The following EIPR1 variants were observed in gnomAD, a reference collection of about 807,000 sequenced individuals.
EIPR1 encodes EARP complex and GARP complex interacting protein 1.
In EIPR1, 25 loss-of-function variants were observed where a neutral mutation model predicts 48.1. The observed-to-expected ratio is 0.52, with a 90% CI of 0.38 to 0.73. EIPR1 has a LOEUF of 0.73. Among genes scored for constraint, EIPR1 ranks in the 30% least tolerant of loss-of-function variants. EIPR1 has a pLI of 0.00. For missense variants in EIPR1, 415 were observed against 506.2 expected (o/e 0.82, Z 1.73); for synonymous variants, 204 against 201.9 (o/e 1.01, Z -0.09).
intron 3 of EIPR1, among the ~76,000 whole-genome samples, chr2:3,289,566 C>T (rs760363357): frequency 5.9e-5 from 9 of 152,100 alleles, no homozygotes; most frequent in Non-Finnish European, 8.8e-5. Flanking sequence ...AGCTTGTAAA[C>T]GAGGCATGCC....
chr2:3,257,361 G>A lies in EIPR1; in HGVS notation c.354C>T (p.Ser118=), dbSNP rs770444195. Residue 118 remains serine (S), a synonymous_variant, in exon 4 of 9, where the codon AGC becomes AGT. Transcript: ENST00000382125. The part of the protein sequence containing the change: ...GSHESPDDSS[S]TAQTLELLCH... ...AGAGCAGCTCCAGGGTCTGTGCAGT[G>A]CTGGATGAATCATCAGGGGACTCGT... The A allele has an allele frequency of 6.2e-7, 1 of 1,614,150 alleles. No homozygotes were observed. Among genetic ancestry groups the A allele is most frequent in the Non-Finnish European group, 8.5e-7 (1 of 1,180,022 alleles).
At chr2:3,356,932 G>A (rs1670743745) in intron 1 of EIPR1, among the ~76,000 whole-genome samples, 1 of 152,198 alleles carries the variant, frequency 6.6e-6, no homozygotes. Flanking sequence ...CACCTTTTCT[G>A]CATGGCAGTA....
intron 3 of EIPR1, among the ~76,000 whole-genome samples, chr2:3,326,405 C>T (rs1669700785): frequency 6.6e-6 from 1 of 152,158 alleles, no homozygotes; most frequent in Admixed American, 6.5e-5. Flanking sequence ...TCTCCACTGC[C>T]CGATACCCCT....
intron 3 of EIPR1, among the ~76,000 whole-genome samples, chr2:3,315,187 A>C (rs1364921670): frequency 2.6e-3 from 2 of 776 alleles, no homozygotes; most frequent in African/African-American, 4.7e-3. Flanking sequence ...TACCACCACC[A>C]TCACCACCAT....
rs139648061 is a variant in EIPR1, at chr2:3,250,787, A to G, written c.416+6512T>C. Among the ~76,000 whole-genome samples the G allele has an allele frequency of 2.8e-3, 420 of 152,270 alleles. 2 individuals carry two copies. The highest frequency in any genetic ancestry group is 0.014 in the Middle Eastern group (4 of 294). ...TAGTTCCCACAAGATTCGCTTGTTT[A>G]AAAGAGTCTGGCAGCTGCTTCTTTC... On this transcript the variant is annotated intron_variant, in intron 4 of 8. Transcript: ENST00000382125.
Position 3,312,165 on chromosome 2 carries a change from C to T in EIPR1, c.259+25852G>A, listed in dbSNP as rs1669149809. The stretch of plus-strand genomic sequence containing the variant: ...TCCCAAATTTCCTCAAGTTGCCCCC[C>T]GAATCTGTCCATCACTCTGCACATG... On this transcript the variant is annotated intron_variant, in intron 3 of 8. Coordinates refer to ENST00000382125, the MANE Select transcript of EIPR1 (RefSeq NM_003310.5). The surrounding 1 kb of genome is among the most constrained non-coding windows in gnomAD (Gnocchi z 5.5). 1.3e-5 allele frequency among the ~76,000 whole-genome samples: 2 copies of T among 152,276 alleles called. No homozygotes were observed. Among genetic ancestry groups the T allele is most frequent in the Admixed American group, 6.5e-5 (1 of 15,296 alleles).
intron 4 of EIPR1, among the ~76,000 whole-genome samples, chr2:3,237,075 C>T (rs188022672): frequency 5.3e-5 from 8 of 152,238 alleles, no homozygotes; most frequent in Admixed American, 3.9e-4. Flanking sequence ...CAAAGACGCA[C>T]CCAGGGAGGG....
intron 4 of EIPR1, among the ~76,000 whole-genome samples, chr2:3,230,381 GAC>G: frequency 6.6e-6 from 1 of 152,294 alleles, no homozygotes; most frequent in South Asian, 2.1e-4. Flanking sequence ...GTGCAGAAAA[GAC>G]ACGCTGCAGC....
chr2:3,257,844 T>G (rs1667210029), intron 3 of EIPR1, among the ~76,000 whole-genome samples: 1 of 152,234 alleles, frequency 6.6e-6, no homozygotes, highest in South Asian at 2.1e-4. Flanking sequence ...TAAACGGGTT[T>G]TCTCTCCATA....
chr2:3,291,597 T>C (rs894907122), intron 3 of EIPR1, among the ~76,000 whole-genome samples: 22 of 152,214 alleles, frequency 1.4e-4, no homozygotes, highest in African/African-American at 5.3e-4. Context: ...TTAAATTCAA[T>C]CTGCATCCAT....
chr2:3,227,167 G>A (rs915524352), intron 4 of EIPR1, among the ~76,000 whole-genome samples: 1 of 138,660 alleles, frequency 7.2e-6, no homozygotes, highest in Admixed American at 7.3e-5. Flanking sequence ...CAGAAGACAG[G>A]AAAATGTGGA....
At chr2:3,257,577 C>T (rs776431886) in intron 3 of EIPR1, 122 bp from the exon 4 acceptor site, 48 of 1,213,080 alleles carry the variant, frequency 4.0e-5, no homozygotes, top group Admixed American at 2.6e-4. Flanking sequence ...AAAATATGTA[C>T]GATTGCAGGC....
At chr2:3,196,799 C>T in intron 6 of EIPR1, 82 bp downstream of exon 6, 5 of 1,535,198 alleles carry the variant, frequency 3.3e-6, no homozygotes, top group Middle Eastern at 1.8e-4. Context: ...GCATGTGGCT[C>T]ACCATCAGCT....
chr2:3,342,933 C>T (rs73910510), intron 2 of EIPR1, among the ~76,000 whole-genome samples: 29,815 of 152,236 alleles, frequency 0.2, 4,087 homozygotes, highest in African/African-American at 0.37. Flanking sequence ...CCATCAACCA[C>T]CATGAGCAAA....
At chr2:3,208,492 A>C (rs1489776813) in intron 5 of EIPR1, 2 of 1,524,648 alleles carry the variant, frequency 1.3e-6, no homozygotes, top group South Asian at 2.5e-5. Flanking sequence ...AGGGGGCCCA[A>C]TTATATGATG....
intron 3 of EIPR1, among the ~76,000 whole-genome samples, chr2:3,337,420 G>A (rs1027413508): frequency 6.6e-5 from 10 of 152,114 alleles, no homozygotes; most frequent in African/African-American, 1.9e-4. Context: ...GAGATCCTAG[G>A]AGATATTTCT....
intron 3 of EIPR1, among the ~76,000 whole-genome samples, chr2:3,271,586 CAA>C (rs1667702731): frequency 6.6e-6 from 1 of 152,142 alleles, no homozygotes; most frequent in Non-Finnish European, 1.5e-5. Context: ...GAGTAATTTT[CAA>C]AAGAGTCTGT....
intron 3 of EIPR1, among the ~76,000 whole-genome samples, chr2:3,333,157 AT>A (rs994435351): frequency 1.3e-5 from 2 of 152,198 alleles, no homozygotes; most frequent in African/African-American, 4.8e-5. Context: ...TCTCGCTTGC[AT>A]TTTAAAAAAT....
chr2:3,373,773 G>T (rs376578032), intron 1 of EIPR1, among the ~76,000 whole-genome samples: 19 of 151,592 alleles, frequency 1.3e-4, no homozygotes, highest in East Asian at 7.7e-4. Context: ...TGGGTAGGAA[G>T]AATCAATATC....
Sources: gnomAD v4.1 joint callset for allele counts (sites outside exome capture counted in the v4.1 genomes callset) on GRCh38, gnomAD v4.1.1 for gene constraint, Gnocchi (gnomAD v3.1) non-coding constraint, MANE v1.5 for transcripts, NCBI Gene and HGNC (gene_info 2026-07-23, HGNC 2026-07-21) for gene names.